SLC35F4: variants seen among roughly 807,000 people sequenced by gnomAD.
SLC35F4 encodes the protein solute carrier family 35 member F4.
Under a neutral mutation model 44.2 loss-of-function variants are expected in SLC35F4, and 24 were observed. The observed-to-expected ratio is 0.54, with a 90% CI of 0.39 to 0.76. The LOEUF (loss-of-function observed/expected upper bound fraction) is 0.76, where lower values mean the gene tolerates loss of function less well. Among genes scored for constraint, SLC35F4 ranks in the 30% least tolerant of loss-of-function variants. SLC35F4 has a pLI of 0.00. For missense variants in SLC35F4, 562 were observed against 586.1 expected, an observed-to-expected ratio of 0.96 and a Z score of 0.42; for synonymous variants, 238 against 223.6, an observed-to-expected ratio of 1.06 and a Z score of -0.57.
chr14:57,946,275 T>C (rs913004845), intron 1 of SLC35F4, among the ~76,000 whole-genome samples: 5 of 152,118 alleles, frequency 3.3e-5, no homozygotes, highest in African/African-American at 1.2e-4. Flanking sequence ...GATGTATGCC[T>C]TTGATCCATC....
chr14:57,793,566 T>C (rs1019834287), intron 1 of SLC35F4, among the ~76,000 whole-genome samples: 1 of 152,122 alleles, frequency 6.6e-6, no homozygotes, highest in Non-Finnish European at 1.5e-5. Flanking sequence ...CAAAAGACAT[T>C]ATTTAATTAT....
chr14:57,895,918 T>G lies in SLC35F4; in HGVS notation n.282+85995A>C, dbSNP rs1238809820. Among the ~76,000 whole-genome samples, 11 of 152,090 alleles carry G rather than the reference T, an allele frequency of 7.2e-5. 1 individual carries two copies. The highest frequency in any genetic ancestry group is 2.7e-4 in the African/African-American group (11 of 41,428). ...ACTACTAATATACAACCAATCACAC[T>G]GATGGAAGGTAGTAATTTATACAAT... is the stretch of plus-strand genomic sequence containing the variant. On this transcript the variant is annotated intron_variant and non_coding_transcript_variant, in intron 1 of 1. Transcript: ENST00000556568.
intron 6 of SLC35F4, among the ~76,000 whole-genome samples, chr14:57,568,924 G>GTT (rs2068342991): frequency 1.3e-5 from 2 of 152,104 alleles, no homozygotes; most frequent in Admixed American, 1.3e-4. Flanking sequence ...GGTTGTTGCT[G>GTT]TTTTTTAACT....
chr14:57,949,493 T>C (rs1890096439), intron 1 of SLC35F4, among the ~76,000 whole-genome samples: 1 of 152,196 alleles, frequency 6.6e-6, no homozygotes, highest in Non-Finnish European at 1.5e-5. Flanking sequence ...TGCCATTCTG[T>C]ATCTTTCAAG....
chr14:57,875,483 T>C (rs897664338), intron 1 of SLC35F4, among the ~76,000 whole-genome samples: 1 of 152,214 alleles, frequency 6.6e-6, no homozygotes, highest in African/African-American at 2.4e-5. Context: ...TCTACTAATC[T>C]GGCCAGGCTT....
chr14:57,881,785 G>T (rs1007273383), intron 1 of SLC35F4, among the ~76,000 whole-genome samples: 6 of 151,930 alleles, frequency 3.9e-5, no homozygotes, highest in African/African-American at 9.7e-5. Context: ...TAGATTTGGG[G>T]TTTTTTTAAA....
Position 57,855,516 on chromosome 14 carries a change from G to A in SLC35F4, c.103+10207C>T, listed in dbSNP as rs377237381. On this transcript the variant is annotated intron_variant, in intron 1 of 7. Coordinates refer to ENST00000556826, the MANE Select transcript of SLC35F4 (RefSeq NM_001306087.2). The stretch of plus-strand genomic sequence containing the variant: ...AGCATCTCACACCAGTTAGAATGGC[G>A]ATCATTTAAAAGTCAGGAAACAACA... Among the ~76,000 whole-genome samples the A allele has an allele frequency of 7.2e-5, 11 of 152,216 alleles. No homozygotes were observed. The South Asian group carries it at 1.2e-3, about 17-fold the overall frequency.
intron 1 of SLC35F4, among the ~76,000 whole-genome samples, chr14:57,894,776 T>C (rs1356144096): frequency 6.6e-6 from 1 of 152,138 alleles, no homozygotes; most frequent in Non-Finnish European, 1.5e-5. Flanking sequence ...TTGGCATGGT[T>C]GCACTTGGTA....
intron 1 of SLC35F4, among the ~76,000 whole-genome samples, chr14:57,909,360 G>C (rs769208876): frequency 3.3e-5 from 5 of 151,960 alleles, no homozygotes; most frequent in Non-Finnish European, 5.9e-5. Flanking sequence ...TAAATATATA[G>C]TAACAAGTAT....
At chr14:57,785,377 T>G (rs1430032413) in intron 1 of SLC35F4, among the ~76,000 whole-genome samples, 8 of 152,098 alleles carry the variant, frequency 5.3e-5, no homozygotes, top group Non-Finnish European at 5.9e-5. Flanking sequence ...CCCCTGACAA[T>G]GAAATGAGAC....
chr14:57,853,120 C>G (rs763933), intron 1 of SLC35F4, among the ~76,000 whole-genome samples: 3 of 151,984 alleles, frequency 2.0e-5, no homozygotes, highest in African/African-American at 7.2e-5. Context: ...AAAAGAAATA[C>G]GTTTTCCAAA....
chr14:57,712,293 C>G (rs1044521942), intron 1 of SLC35F4, among the ~76,000 whole-genome samples: 2 of 113,286 alleles, frequency 1.8e-5, no homozygotes, highest in Non-Finnish European at 4.2e-5. Flanking sequence ...TTTGCCTACA[C>G]AGTATGAGGT....
chr14:57,822,796 T>C (rs935124783), intron 1 of SLC35F4, among the ~76,000 whole-genome samples: 3 of 152,122 alleles, frequency 2.0e-5, no homozygotes, highest in Non-Finnish European at 2.9e-5. Context: ...TACTTTGAGG[T>C]CAATTTTTTT....
intron 1 of SLC35F4, among the ~76,000 whole-genome samples, chr14:57,754,941 C>A (rs1334997057): frequency 6.6e-6 from 1 of 152,114 alleles, no homozygotes; most frequent in Non-Finnish European, 1.5e-5. Flanking sequence ...GAAGAGGCTT[C>A]GATTCCTGGT....
chr14:57,948,892 G>C (rs1890084419), intron 1 of SLC35F4, among the ~76,000 whole-genome samples: 2 of 152,154 alleles, frequency 1.3e-5, no homozygotes, highest in South Asian at 4.1e-4. Context: ...ACTGTGGTCT[G>C]AGAGAATACT....
At chr14:57,774,556 C>A (rs749132793) in intron 1 of SLC35F4, among the ~76,000 whole-genome samples, 34 of 152,150 alleles carry the variant, frequency 2.2e-4, no homozygotes, top group Non-Finnish European at 4.7e-4. Context: ...CTGAACCCTG[C>A]GAGGTAGTCT....
intron 1 of SLC35F4, among the ~76,000 whole-genome samples, chr14:57,625,789 C>T (rs2072444663): frequency 6.6e-6 from 1 of 151,998 alleles, no homozygotes; most frequent in African/African-American, 2.4e-5. Context: ...ACACCTTAAA[C>T]AAAATACCAT....
chr14:57,646,531 G>T (rs564419174), intron 1 of SLC35F4, among the ~76,000 whole-genome samples: 44 of 151,806 alleles, frequency 2.9e-4, no homozygotes, highest in African/African-American at 1.0e-3. Context: ...TTTATTAGTT[G>T]CTAGCGGTCT....
At chr14:57,571,872 C>T (rs961996789) in intron 5 of SLC35F4, 22 bp downstream of exon 5, 1 of 1,597,994 alleles carries the variant, frequency 6.3e-7, no homozygotes, top group South Asian at 1.1e-5. Context: ...CAGTTGCTTA[C>T]AAAAGAAAGT....
Sources: gnomAD v4.1 joint callset for allele counts (sites outside exome capture counted in the v4.1 genomes callset) on GRCh38, gnomAD v4.1.1 for gene constraint, MANE v1.5 for transcripts, NCBI Gene and HGNC (gene_info 2026-07-23, HGNC 2026-07-21) for gene names.